Variants in SAR1B observed in about 807,000 individuals in gnomAD.
The protein encoded by SAR1B is secretion associated Ras related GTPase 1B.
In SAR1B, 23 loss-of-function variants were observed where a neutral mutation model predicts 26.8. The observed-to-expected ratio is 0.86, with a 90% CI of 0.62 to 1.22. The LOEUF (loss-of-function observed/expected upper bound fraction) is 1.22. Ranked by LOEUF, SAR1B falls within the 50% of genes most tolerant of loss-of-function variation. The pLI is 0.00. For synonymous variants in SAR1B, 65 were observed against 80.8 expected (o/e 0.80, Z 1.05); for missense variants, 196 against 232.8 (o/e 0.84, Z 1.03).
intron 1 of SAR1B, among the ~76,000 whole-genome samples, chr5:134,626,838 G>A (rs1765501987): frequency 6.6e-6 from 1 of 152,016 alleles, no homozygotes; most frequent in Non-Finnish European, 1.5e-5. Flanking sequence ...TTTCTTCTTG[G>A]GATGATCACA....
intron 1 of SAR1B, among the ~76,000 whole-genome samples, chr5:134,630,889 C>CTTTTTTTTTTTTTTTTTTTTTT (rs781218368): frequency 0.017 from 1,184 of 69,166 alleles, 21 homozygotes; most frequent in Middle Eastern, 0.034. Flanking sequence ...CTTTTTTTTT[C>CTTTTTTTTTTTTTTTTTTTTTT]TTTTTTTTTT....
At chr5:134,611,175 T>C (rs1765206761) in intron 4 of SAR1B, among the ~76,000 whole-genome samples, 1 of 152,176 alleles carries the variant, frequency 6.6e-6, no homozygotes, top group Admixed American at 6.5e-5. Context: ...TTATGACATA[T>C]CTTGAAACAA....
In SAR1B at chr5:134,603,303, A is replaced by C. The variant is rs1273471023; in HGVS notation, c.*3647T>G. ...CACATACCAAATACAGTTTCAGAAAATGTAAACCTTTCCCCTGAAACTCTC... is the reference window on the plus strand; with the variant it reads ...CACATACCAAATACAGTTTCAGAAACTGTAAACCTTTCCCCTGAAACTCTC... On this transcript the variant is annotated 3_prime_UTR_variant, in exon 7 of 7. Transcript: ENST00000402673. 1 of 152,238 alleles carries C rather than the reference A, an allele frequency of 6.6e-6. No homozygotes were observed. The highest frequency in any genetic ancestry group is 1.5e-5 in the Non-Finnish European group (1 of 68,044). The allele number at this position is 152,238 out of a possible 1,614,324, so 9.4% of individuals were successfully genotyped here. A position where few individuals can be genotyped will look rare whatever the true frequency, so the allele number is the denominator to read the frequency against.
chr5:134,608,928 T>C, intron 5 of SAR1B: 11 of 366,770 alleles, frequency 3.0e-5, no homozygotes, highest in South Asian at 2.3e-4. Context: ...TGGAACAAAG[T>C]AGGAACTCAG....
chr5:134,629,447 C>T (rs370128317), intron 1 of SAR1B, among the ~76,000 whole-genome samples: 252 of 152,162 alleles, frequency 1.7e-3, no homozygotes, highest in African/African-American at 5.6e-3. Context: ...CCCTGTAATC[C>T]CAGCACTTTG....
intron 1 of SAR1B, among the ~76,000 whole-genome samples, chr5:134,630,755 G>A (rs1765586392): frequency 6.7e-6 from 1 of 149,050 alleles, no homozygotes; most frequent in South Asian, 2.1e-4. Context: ...CTCCAGCCTG[G>A]GCGATAGAGC....
At chr5:134,611,976 A>G (rs889170415) in intron 4 of SAR1B, among the ~76,000 whole-genome samples, 3 of 152,190 alleles carry the variant, frequency 2.0e-5, no homozygotes, top group Non-Finnish European at 4.4e-5. Context: ...AAGCCTGGGC[A>G]ACATAGTGAG....
At chr5:134,610,296 A>T (rs1765192250) in intron 4 of SAR1B, among the ~76,000 whole-genome samples, 1 of 151,990 alleles carries the variant, frequency 6.6e-6, no homozygotes, top group South Asian at 2.1e-4. Context: ...GTGAAACCTC[A>T]TCTCTACAAA....
rs1049593659 is a variant in SAR1B, at chr5:134,602,242, T to C, written c.*4708A>G. On this transcript the variant is annotated 3_prime_UTR_variant, in exon 7 of 7. Transcript: ENST00000402673. ...ATACTTTGGATTCTGTTTAAAAGTATGATGAAAGCCGTGAACAACAATTAG... is the reference window on the plus strand; with the variant it reads ...ATACTTTGGATTCTGTTTAAAAGTACGATGAAAGCCGTGAACAACAATTAG... The C allele has an allele frequency of 5.9e-5, 9 of 152,230 alleles. No individual in the cohort carries two copies. The highest frequency in any genetic ancestry group is 5.9e-4 in the Admixed American group (9 of 15,278). 9.4% of individuals were successfully genotyped at this position (152,230 alleles called of 1,614,324 possible). A position where few individuals can be genotyped will look rare whatever the true frequency, so the allele number is the denominator to read the frequency against.
rs772271975 is a variant in SAR1B at position 134,620,960 on chromosome 5, C to G, written c.151G>C (p.Gly51Arg). Reference protein sequence around the residue: ...LLHMLKDDRLGQHVPTLHPTS... With the variant: ...LLHMLKDDRLRQHVPTLHPTS... ...GGATGTAATGTTGGGACATGTTGTC[C>G]AAGTCTGTCATCTTTTAGCATGTGT... Residue 51 changes from glycine (G) to arginine (R), a missense_variant, in exon 3 of 7, where the codon GGA becomes CGA. Gly to Arg is a moderately radical substitution (Grantham distance 125). Transcript: ENST00000402673. 6 of 1,613,634 alleles carry G rather than the reference C, an allele frequency of 3.7e-6. No individual in the cohort carries two copies. Among genetic ancestry groups the G allele is most frequent in the Non-Finnish European group, 5.1e-6 (6 of 1,179,620 alleles).
At chr5:134,621,954 C>T (rs1052737476) in intron 2 of SAR1B, among the ~76,000 whole-genome samples, 2 of 151,998 alleles carry the variant, frequency 1.3e-5, no homozygotes, top group Admixed American at 1.3e-4. Context: ...GCCAGGCTGG[C>T]CTCAAGTGAT....
At chr5:134,611,307 C>A (rs1183361337) in intron 4 of SAR1B, among the ~76,000 whole-genome samples, 1 of 152,158 alleles carries the variant, frequency 6.6e-6, no homozygotes, top group African/African-American at 2.4e-5. Context: ...CTAGCCAGAA[C>A]CATTTACAAT....
At chr5:134,626,241 C>G (rs10063106) in intron 1 of SAR1B, among the ~76,000 whole-genome samples, 147,309 of 147,318 alleles carry the variant, frequency 1, 73,650 homozygotes, top group Non-Finnish European at 1. Context: ...AGAGGTTGCA[C>G]TGAGCCGAGA....
intron 4 of SAR1B, among the ~76,000 whole-genome samples, chr5:134,611,502 C>T (rs1765211394): frequency 6.6e-6 from 1 of 151,514 alleles, no homozygotes; most frequent in African/African-American, 2.4e-5. Flanking sequence ...AGGAGGATTG[C>T]TTGAGGCCAG....
chr5:134,607,358 T>C (rs975648694), intron 6 of SAR1B, among the ~76,000 whole-genome samples: 2 of 152,160 alleles, frequency 1.3e-5, no homozygotes, highest in Non-Finnish European at 2.9e-5. Flanking sequence ...TCACTAATAT[T>C]AAAGACAAAC....
intron 1 of SAR1B, among the ~76,000 whole-genome samples, chr5:134,624,666 C>T (rs1189577592): frequency 5.8e-5 from 8 of 138,036 alleles, no homozygotes; most frequent in Non-Finnish European, 1.1e-4. Flanking sequence ...CTTGCTCTGT[C>T]GCCCAGGCTA....
chr5:134,607,185 G>T, intron 6 of SAR1B, 119 bp from the exon 7 acceptor site: 1 of 786,824 alleles, frequency 1.3e-6, no homozygotes, highest in Non-Finnish European at 2.2e-6. Context: ...CCATGACTGT[G>T]ATAAAGTCGT....
rs376561981 is a variant in SAR1B at position 134,604,757 on chromosome 5, T to G, written c.*2193A>C. On this transcript the variant is annotated 3_prime_UTR_variant, in exon 7 of 7. Coordinates refer to ENST00000402673, the MANE Select transcript of SAR1B (RefSeq NM_016103.4). Reference sequence around the variant, plus strand: ...TTTCCTGGCTAGAGAAACCAGTATGTTTTTTTTTCATTTATACCCATTTAC... The same window carrying G: ...TTTCCTGGCTAGAGAAACCAGTATGGTTTTTTTTCATTTATACCCATTTAC... The G allele has an allele frequency of 7.6e-4, 114 of 150,160 alleles. No individual in the cohort carries two copies. The highest frequency in any genetic ancestry group is 3.4e-3 in the Middle Eastern group (1 of 292). 9.3% of individuals were successfully genotyped at this position (150,160 alleles called of 1,614,324 possible). A position where few individuals can be genotyped will look rare whatever the true frequency, so the allele number is the denominator to read the frequency against.
intron 3 of SAR1B, among the ~76,000 whole-genome samples, chr5:134,619,893 G>A (rs1305520487): frequency 6.6e-6 from 1 of 152,098 alleles, no homozygotes; most frequent in African/African-American, 2.4e-5. Context: ...GCAGAGGCAG[G>A]AGGATCACTT....
Sources: gnomAD v4.1 joint callset for allele counts (sites outside exome capture counted in the v4.1 genomes callset) on GRCh38, gnomAD v4.1.1 for gene constraint, MANE v1.5 for transcripts, NCBI Gene and HGNC (gene_info 2026-07-23, HGNC 2026-07-21) for gene names.